Variants in OTULIN observed in about 807,000 individuals in gnomAD.
OTULIN encodes ubiquitin thioesterase otulin.
A neutral mutation model predicts 39.6 loss-of-function variants in OTULIN; 15 were observed. The ratio of observed to expected loss-of-function variants is 0.38; its 90% confidence interval spans 0.25 to 0.58. The LOEUF is 0.58. Among genes scored for constraint, OTULIN ranks in the 20% least tolerant of loss-of-function variants. The pLI, the probability that OTULIN is intolerant of heterozygous loss-of-function variation, is 0.66. For synonymous variants in OTULIN, 156 were observed against 170.3 expected (o/e 0.92, Z 0.65); for missense variants, 319 against 445.9 (o/e 0.72, Z 2.56).
chr5:14,685,954 G>A (rs1560999646), intron 4 of OTULIN, among the ~76,000 whole-genome samples: 2 of 152,206 alleles, frequency 1.3e-5, no homozygotes, highest in African/African-American at 2.4e-5. Context: ...CGAAACGCAG[G>A]GCAGTGTGGG....
intron 6 of OTULIN, among the ~76,000 whole-genome samples, chr5:14,691,590 A>G (rs1456297009): frequency 6.6e-6 from 1 of 150,654 alleles, no homozygotes; most frequent in African/African-American, 2.4e-5. Flanking sequence ...TGTGATGGTG[A>G]GTCCATTCTT....
At position 14,693,056 on chromosome 5, in the gene OTULIN, A is replaced by G. The variant is rs367992332; in HGVS notation, c.*8A>G. 16 of 1,598,922 alleles carry G rather than the reference A, an allele frequency of 1.0e-5. No homozygotes were observed. Among genetic ancestry groups the G allele is most frequent in the African/African-American group, 1.3e-5 (1 of 74,608 alleles). On this transcript the variant is annotated 3_prime_UTR_variant, in exon 7 of 7. Transcript: ENST00000284274. ...GAGGAGACCAGTCTATGAGAGACGCATGCTCCTGACAGCCTGGCGACGTGG... is the reference window on the plus strand; with the variant it reads ...GAGGAGACCAGTCTATGAGAGACGCGTGCTCCTGACAGCCTGGCGACGTGG...
In OTULIN at chr5:14,664,816, G is replaced by T; in HGVS notation, c.-10G>T. The T allele has an allele frequency of 8.2e-7, 1 of 1,216,228 alleles. No homozygotes were observed. Among genetic ancestry groups the T allele is most frequent in the South Asian group, 3.8e-5 (1 of 26,054 alleles). The allele number at this position is 1,216,228 out of a possible 1,614,324, so 75.3% of individuals were successfully genotyped here. On this transcript the variant is annotated 5_prime_UTR_variant, in exon 1 of 7. Transcript: ENST00000284274. ...GAGCCGGCTGAACCCCTTCGGCCGC[G>T]AGCGACCGCATGAGTCGGGGGACTA...
At chr5:14,712,764 A>G in the OTULIN span, 1 of 1,083,174 alleles carries the variant, frequency 9.2e-7, no homozygotes. Context: ...AGTGTCACCA[A>G]GGATCCCCCA....
downstream of OTULIN, among the ~76,000 whole-genome samples, chr5:14,703,908 C>T (rs896662522): frequency 3.3e-5 from 5 of 152,072 alleles, no homozygotes; most frequent in African/African-American, 7.2e-5. Context: ...CAATCCCAAG[C>T]GAGTCTGTAG....
chr5:14,668,743 G>C (rs941934653), intron 1 of OTULIN, among the ~76,000 whole-genome samples: 1 of 152,166 alleles, frequency 6.6e-6, no homozygotes, highest in Non-Finnish European at 1.5e-5. Context: ...ATTCTGTCTT[G>C]TTAGCTTTGC....
At chr5:14,713,403 G>T in the OTULIN span, 1 of 1,254,580 alleles carries the variant, frequency 8.0e-7, no homozygotes, top group South Asian at 1.3e-5. The surrounding 1 kb of genome is among the most constrained non-coding windows in gnomAD (Gnocchi z 4.4). Context: ...CTGGTGCCTG[G>T]GCAGACACAC....
At chr5:14,709,318 T>TA in the OTULIN span, 1 of 152,192 alleles carries the variant, frequency 6.6e-6, no homozygotes, top group African/African-American at 2.4e-5. Flanking sequence ...GATTTTTTTT[T>TA]AATCTTCTCA....
At chr5:14,712,755 G>A in the OTULIN span, 1 of 1,000,764 alleles carries the variant, frequency 1.0e-6, no homozygotes, top group African/African-American at 1.6e-5. Context: ...AGACTGGGCA[G>A]TGTCACCAAG....
At position 14,694,837 on chromosome 5, in the gene OTULIN, A is replaced by G. The variant is rs1736624659; in HGVS notation, c.*1789A>G. On this transcript the variant is annotated 3_prime_UTR_variant, in exon 7 of 7. Transcript: ENST00000284274. ...TAGAAGCCAAATTAAAGTAATAATGACTTCTTATTGGCTTTGATTTTTCAT... is the reference window on the plus strand; with the variant it reads ...TAGAAGCCAAATTAAAGTAATAATGGCTTCTTATTGGCTTTGATTTTTCAT... 1 of 152,616 alleles carries G rather than the reference A, an allele frequency of 6.6e-6. No homozygotes were observed. The highest frequency in any genetic ancestry group is 1.5e-5 in the Non-Finnish European group (1 of 68,032). 9.5% of individuals were successfully genotyped at this position (152,616 alleles called of 1,614,324 possible).
chr5:14,713,079 C>A, the OTULIN span: 6 of 1,106,486 alleles, frequency 5.4e-6, no homozygotes, highest in Middle Eastern at 1.9e-4. The surrounding 1 kb of genome is among the most constrained non-coding windows in gnomAD (Gnocchi z 4.4). Flanking sequence ...ACGGCTGAGA[C>A]CAGCGGCGTT....
At chr5:14,713,071 G>A in the OTULIN span, 21 of 1,186,670 alleles carry the variant, frequency 1.8e-5, no homozygotes, top group Admixed American at 1.4e-4. The surrounding 1 kb of genome is among the most constrained non-coding windows in gnomAD (Gnocchi z 4.4). Context: ...GCCTCGAGAC[G>A]GCTGAGACCA....
chr5:14,700,854 A>G (rs1041983818), downstream of OTULIN, among the ~76,000 whole-genome samples: 3 of 152,118 alleles, frequency 2.0e-5, no homozygotes, highest in African/African-American at 7.2e-5. Context: ...AGGGCGACCC[A>G]TCACCTTTTT....
intron 1 of OTULIN, among the ~76,000 whole-genome samples, chr5:14,665,516 G>A (rs1368108034): frequency 6.6e-6 from 1 of 152,178 alleles, no homozygotes; most frequent in African/African-American, 2.4e-5. Flanking sequence ...GTCAGTGCTG[G>A]TTAGATCAAT....
In OTULIN at chr5:14,681,496, C is replaced by G. The variant is rs1020407759; in HGVS notation, c.357C>G (p.Ser119=). The stretch of plus-strand genomic sequence containing the variant: ...AAGAGGTTTCTCAGAAGTTCACCTC[C>G]ATACGGCGAGTCCGTGGTGATAATT... ...GYEEVSQKFT[S]IRRVRGDNYC... Residue 119 remains serine (S), a synonymous_variant, in exon 4 of 7, where the codon TCC becomes TCG. Transcript: ENST00000284274. 17 of 1,613,704 alleles carry G rather than the reference C, an allele frequency of 1.1e-5. No homozygotes were observed. The highest frequency in any genetic ancestry group is 1.4e-5 in the Non-Finnish European group (17 of 1,179,910).
At chr5:14,713,098 G>C in the OTULIN span, 2 of 957,774 alleles carry the variant, frequency 2.1e-6, no homozygotes, top group Non-Finnish European at 1.6e-6. This position sits in a 1 kb window ranked among gnomAD's most constrained non-coding sequence, Gnocchi z 4.4. Flanking sequence ...TTCTCCATCT[G>C]CTGGCTTCGT....
chr5:14,692,336 A>G (rs1198530789), intron 6 of OTULIN, among the ~76,000 whole-genome samples: 1 of 152,216 alleles, frequency 6.6e-6, no homozygotes, highest in Non-Finnish European at 1.5e-5. Context: ...CACCACCTAT[A>G]TGAAGTTCTA....
chr5:14,681,313 G>C, intron 3 of OTULIN, 151 bp from the exon 4 acceptor site: 1 of 787,596 alleles, frequency 1.3e-6, no homozygotes, highest in South Asian at 1.9e-5. Flanking sequence ...GTGAGTAAGT[G>C]TTAAAACAAT....
chr5:14,675,227 C>A (rs1166050296), intron 2 of OTULIN, among the ~76,000 whole-genome samples: 1 of 152,170 alleles, frequency 6.6e-6, no homozygotes, highest in Non-Finnish European at 1.5e-5. Context: ...ATAGCTTTTT[C>A]ATAAAACTCA....
Sources: gnomAD v4.1 joint callset for allele counts (sites outside exome capture counted in the v4.1 genomes callset) on GRCh38, gnomAD v4.1.1 for gene constraint, Gnocchi (gnomAD v3.1) non-coding constraint, MANE v1.5 for transcripts, NCBI Gene and HGNC (gene_info 2026-07-23, HGNC 2026-07-21) for gene names.